Variants in TUBA4B observed in about 807,000 individuals in gnomAD.
The protein encoded by TUBA4B is tubulin alpha 4b.
In TUBA4B, 13 loss-of-function variants were observed where a neutral mutation model predicts 18.4. The ratio of observed to expected loss-of-function variants is 0.71; its 90% CI spans 0.46 to 1.12. The LOEUF (loss-of-function observed/expected upper bound fraction) is 1.12, where lower values mean the gene tolerates loss of function less well. Ranked by LOEUF, TUBA4B falls within the 50% of genes most tolerant of loss-of-function variation. TUBA4B has a pLI of 0.00. For synonymous variants in TUBA4B, 101 were observed against 99.1 expected (o/e 1.02, Z -0.11); for missense variants, 244 against 250.0 (o/e 0.98, Z 0.16).
intron 1 of TUBA4B, chr2:219,253,854 A>C: frequency 4.7e-6 from 7 of 1,485,862 alleles, no homozygotes; most frequent in Non-Finnish European, 6.2e-6. Context: ...GGCCGCACTC[A>C]CCATGGTGAG....
chr2:219,253,694 A>C (rs920839819), intron 1 of TUBA4B, among the ~76,000 whole-genome samples: 1 of 152,180 alleles, frequency 6.6e-6, no homozygotes, highest in African/African-American at 2.4e-5. Flanking sequence ...CGGCTCGGCC[A>C]AAGTCACCAG....
intron 1 of TUBA4B, among the ~76,000 whole-genome samples, chr2:219,265,552 G>A (rs1047242043): frequency 6.6e-6 from 1 of 152,072 alleles, no homozygotes; most frequent in Non-Finnish European, 1.5e-5. Flanking sequence ...CAGGAGAATC[G>A]CTCGAACCCC....
intron 1 of TUBA4B, among the ~76,000 whole-genome samples, chr2:219,257,187 G>A (rs192949327): frequency 1.9e-3 from 295 of 151,444 alleles, no homozygotes; most frequent in Admixed American, 3.4e-3. Flanking sequence ...GGGACTACAG[G>A]CATGTCCCAC....
In TUBA4B at chr2:219,271,328, G is replaced by A. The variant is rs1211940126; in HGVS notation, c.355G>A (p.Ala119Thr). The A allele has an allele frequency of 1.2e-6, 2 of 1,611,130 alleles. No homozygotes were observed. Among genetic ancestry groups the A allele is most frequent in the African/African-American group, 1.3e-5 (1 of 74,830 alleles). The change falls in exon 4 of 4, where the codon GCC (alanine) becomes ACC (threonine). Residue 119 changes from alanine (A) to threonine (T), a missense_variant. Ala to Thr is a moderately conservative substitution (Grantham distance 58, BLOSUM62 0). Transcript: ENST00000490341. ...SIYPAPQVST[A>T]MVQPYNSILT... ...CTACCCAGCCCCCCAGGTGTCTACA[G>A]CCATGGTCCAGCCCTACAACTCTAT...
intron 2 of TUBA4B, among the ~76,000 whole-genome samples, chr2:219,269,660 G>A (rs992413194): frequency 5.9e-5 from 9 of 152,194 alleles, no homozygotes; most frequent in Non-Finnish European, 1.2e-4. Flanking sequence ...GGGGCAGGCC[G>A]GTGTGCAGTT....
rs1559282213 is a variant in TUBA4B, at chr2:219,269,914, T to C, written c.59-288T>C. 2.0e-5 allele frequency among the ~76,000 whole-genome samples: 3 copies of C among 152,120 alleles called. No homozygotes were observed. In the South Asian group the frequency reaches 6.2e-4, roughly 31 times the overall value. On this transcript the variant is annotated intron_variant, in intron 2 of 3. Coordinates refer to ENST00000490341, the MANE Select transcript of TUBA4B (RefSeq NM_001355221.1). ...AGTCCTACTCCATAACTGCAGAGCA[T>C]GGTGTCTGTGGTATAGCTTCCCAGG... is the stretch of plus-strand genomic sequence containing the variant.
chr2:219,262,420 T>C (rs1482652225), intron 1 of TUBA4B, among the ~76,000 whole-genome samples: 2 of 152,244 alleles, frequency 1.3e-5, no homozygotes, highest in African/African-American at 4.8e-5. Context: ...TCTGTTCCAT[T>C]ATCCAGCCTT....
chr2:219,254,134 C>G, intron 1 of TUBA4B: 1 of 387,616 alleles, frequency 2.6e-6, no homozygotes, highest in Non-Finnish European at 4.6e-6. Flanking sequence ...CGGGCTTTAA[C>G]CATTCTTTCC....
intron 1 of TUBA4B, among the ~76,000 whole-genome samples, chr2:219,261,616 T>G (rs1358344950): frequency 6.6e-6 from 1 of 152,170 alleles, no homozygotes; most frequent in Non-Finnish European, 1.5e-5. Context: ...TAGTATGTCC[T>G]TCACTTTACT....
At chr2:219,266,413 C>T (rs947545409) in intron 1 of TUBA4B, 108 bp from the exon 2 acceptor site, 5 of 627,870 alleles carry the variant, frequency 8.0e-6, no homozygotes, top group South Asian at 1.8e-5. Context: ...CCTCCCAGGC[C>T]GTTTCTAACA....
intron 2 of TUBA4B, 47 bp from the exon 3 acceptor site, chr2:219,270,155 G>T: frequency 1.4e-6 from 1 of 698,354 alleles, no homozygotes; most frequent in Non-Finnish European, 2.6e-6. Flanking sequence ...GATTGCAAAG[G>T]GAGGTGGGGC....
chr2:219,271,148 C>T lies in TUBA4B; in HGVS notation c.193-18C>T, dbSNP rs1391095556. ...CTGTGCTCCATGCCCCACATTTCCC[C>T]TCCCCTTCCCTGTCTAGGCTGACCA... On this transcript the variant is annotated intron_variant, in intron 3 of 3. Coordinates refer to ENST00000490341, the MANE Select transcript of TUBA4B (RefSeq NM_001355221.1). The T allele has an allele frequency of 1.5e-5, 12 of 796,090 alleles. No homozygotes were observed. The highest frequency in any genetic ancestry group is 2.4e-5 in the Non-Finnish European group (11 of 457,852). The allele number at this position is 796,090 out of a possible 1,614,324, so 49.3% of individuals were successfully genotyped here. A position where few individuals can be genotyped will look rare whatever the true frequency, so the allele number is the denominator to read the frequency against.
chr2:219,270,582 A>C (rs1487654247), intron 3 of TUBA4B, among the ~76,000 whole-genome samples: 1 of 151,868 alleles, frequency 6.6e-6, no homozygotes, highest in Admixed American at 6.6e-5. Flanking sequence ...TAAGGCAAAC[A>C]TGTTGATGGG....
intron 3 of TUBA4B, among the ~76,000 whole-genome samples, 151 bp downstream of exon 3, chr2:219,270,486 CG>C: frequency 6.6e-6 from 1 of 151,966 alleles, no homozygotes; most frequent in South Asian, 2.1e-4. Flanking sequence ...GCACTCTGAT[CG>C]GGGGGCCAAC....
At position 219,271,318 on chromosome 2, in the gene TUBA4B, G is replaced by C. The variant is rs1951823723; in HGVS notation, c.345G>C (p.Gln115His). Residue 115 changes from glutamine (Q) to histidine (H), a missense_variant, in exon 4 of 4, where the codon CAG becomes CAC. Gln to His is a conservative substitution (Grantham distance 24). Transcript: ENST00000490341. Reference protein sequence around the residue: ...KLGFSIYPAPQVSTAMVQPYN... With the variant: ...KLGFSIYPAPHVSTAMVQPYN... The stretch of plus-strand genomic sequence containing the variant: ...GATTCTCCATCTACCCAGCCCCCCA[G>C]GTGTCTACAGCCATGGTCCAGCCCT... 1.2e-6 allele frequency: 2 copies of C among 1,602,302 alleles called. No individual in the cohort carries two copies. Among genetic ancestry groups the C allele is most frequent in the Admixed American group, 1.7e-5 (1 of 60,014 alleles).
Position 219,266,594 on chromosome 2 carries a change from G to A in TUBA4B, c.58+28G>A, listed in dbSNP as rs774962573. On this transcript the variant is annotated intron_variant, in intron 2 of 3. Transcript: ENST00000490341. ...GAGTAGAAGGGGCCTTGGGGGGACT[G>A]AGCATGCAAGTGAGGGTCCCAGTGG... 16 of 702,492 alleles carry A rather than the reference G, an allele frequency of 2.3e-5. No individual in the cohort carries two copies. In the East Asian group the frequency reaches 4.3e-4, roughly 19 times the overall value. The allele number at this position is 702,492 out of a possible 1,614,324, so 43.5% of individuals were successfully genotyped here. A position where few individuals can be genotyped will look rare whatever the true frequency, so the allele number is the denominator to read the frequency against.
At chr2:219,262,711 G>A (rs770911008) in intron 1 of TUBA4B, among the ~76,000 whole-genome samples, 8 of 151,942 alleles carry the variant, frequency 5.3e-5, no homozygotes, top group Non-Finnish European at 1.2e-4. Flanking sequence ...AGGCAGAGTC[G>A]CATTATGTTG....
At chr2:219,267,266 TACTTG>T (rs2125076869) in intron 2 of TUBA4B, among the ~76,000 whole-genome samples, 1 of 152,340 alleles carries the variant, frequency 6.6e-6, no homozygotes, top group Non-Finnish European at 1.5e-5. Context: ...TTGAGCAAGC[TACTTG>T]ACTTCTCTGA....
At chr2:219,263,166 T>C (rs1233518357) in intron 1 of TUBA4B, among the ~76,000 whole-genome samples, 1 of 152,140 alleles carries the variant, frequency 6.6e-6, no homozygotes, top group African/African-American at 2.4e-5. Flanking sequence ...TGGCCTCTTA[T>C]GTTTTAATCT....
Sources: gnomAD v4.1 joint callset for allele counts (sites outside exome capture counted in the v4.1 genomes callset) on GRCh38, gnomAD v4.1.1 for gene constraint, MANE v1.5 for transcripts, NCBI Gene and HGNC (gene_info 2026-07-23, HGNC 2026-07-21) for gene names.